Variants in NLGN1 observed in about 807,000 individuals in gnomAD.
NLGN1 encodes the protein neuroligin-1.
In NLGN1, 12 loss-of-function variants were observed where a neutral mutation model predicts 65.5. The ratio of observed to expected loss-of-function variants is 0.18; its 90% confidence interval spans 0.12 to 0.30. NLGN1 has a LOEUF of 0.30. Among genes scored for constraint, NLGN1 ranks in the 10% least tolerant of loss-of-function variants. The probability of loss-of-function intolerance (pLI) is 1.00; values close to 1 mark genes in which losing one functional copy is unlikely to be tolerated. For synonymous variants in NLGN1, 350 were observed against 359.5 expected (o/e 0.97, Z 0.30); for missense variants, 750 against 1,007.1 (o/e 0.74, Z 3.46).
At chr3:174,091,313 G>A (rs767897011) in intron 4 of NLGN1, among the ~76,000 whole-genome samples, 1 of 152,324 alleles carries the variant, frequency 6.6e-6, no homozygotes, top group East Asian at 1.9e-4. Context: ...ATTATAGAAT[G>A]CATTCTACTC....
intron 2 of NLGN1, among the ~76,000 whole-genome samples, chr3:173,562,565 A>G (rs1430733803): frequency 2.0e-5 from 3 of 151,702 alleles, no homozygotes; most frequent in Admixed American, 6.6e-5. Flanking sequence ...GATTGTCTAA[A>G]AAAAAAAAAA....
chr3:174,077,722 A>AT (rs1349332823), intron 4 of NLGN1, among the ~76,000 whole-genome samples: 1 of 151,866 alleles, frequency 6.6e-6, no homozygotes, highest in Admixed American at 6.6e-5. Context: ...CGCCCAGCCA[A>AT]TTTTTGTATT....
chr3:173,618,187 A>G (rs1037034179), intron 3 of NLGN1, among the ~76,000 whole-genome samples: 1 of 149,580 alleles, frequency 6.7e-6, no homozygotes, highest in African/African-American at 2.5e-5. Flanking sequence ...GGTTTTTGTC[A>G]TTGTTCTTCT....
chr3:173,568,214 T>TTTTCC (rs935967285), intron 2 of NLGN1, among the ~76,000 whole-genome samples: 7 of 143,848 alleles, frequency 4.9e-5, no homozygotes, highest in African/African-American at 9.9e-5. Flanking sequence ...TTTCCTTTCC[T>TTTTCC]TTTCCTTTCC....
intron 4 of NLGN1, among the ~76,000 whole-genome samples, chr3:174,252,313 AT>A (rs1190583114): frequency 6.6e-6 from 1 of 152,158 alleles, no homozygotes; most frequent in Non-Finnish European, 1.5e-5. Context: ...TTTTGCCATC[AT>A]GTTTCTATAA....
At chr3:173,603,348 A>G (rs1451090878) in intron 2 of NLGN1, among the ~76,000 whole-genome samples, 1 of 152,106 alleles carries the variant, frequency 6.6e-6, no homozygotes, top group African/African-American at 2.4e-5. Context: ...AACTGTGTAA[A>G]CAGTGATAGA....
At chr3:173,545,999 T>C (rs998071354) in intron 2 of NLGN1, among the ~76,000 whole-genome samples, 1 of 152,038 alleles carries the variant, frequency 6.6e-6, no homozygotes, top group Non-Finnish European at 1.5e-5. Context: ...ATGTAGATGA[T>C]GGGTTGATAG....
intron 3 of NLGN1, among the ~76,000 whole-genome samples, chr3:173,675,663 C>T (rs1228675254): frequency 6.6e-6 from 1 of 151,788 alleles, no homozygotes; most frequent in Non-Finnish European, 1.5e-5. Flanking sequence ...TTTGTGGTTG[C>T]TAGAGGTGTT....
upstream of NLGN1, among the ~76,000 whole-genome samples, chr3:173,397,231 A>C (rs1447405050): frequency 6.6e-6 from 1 of 152,164 alleles, no homozygotes; most frequent in Non-Finnish European, 1.5e-5. Flanking sequence ...TTCTGCATAA[A>C]ACCAATACAT....
At chr3:173,560,321 G>GGAAA (rs989187119) in intron 2 of NLGN1, among the ~76,000 whole-genome samples, 2 of 150,446 alleles carry the variant, frequency 1.3e-5, no homozygotes, top group Admixed American at 1.3e-4. Flanking sequence ...AGTAAAAATA[G>GGAAA]GAAAGAAAGA....
chr3:174,206,350 G>C (rs1488659853), intron 4 of NLGN1, among the ~76,000 whole-genome samples: 1 of 152,162 alleles, frequency 6.6e-6, no homozygotes, highest in Non-Finnish European at 1.5e-5. Flanking sequence ...CCAAGGTCAA[G>C]GAGGCAACAT....
chr3:173,978,998 C>T (rs1018858719), intron 4 of NLGN1, among the ~76,000 whole-genome samples: 1 of 151,154 alleles, frequency 6.6e-6, no homozygotes, highest in African/African-American at 2.4e-5. Flanking sequence ...GAGTAAGATT[C>T]TGTCTCAAAA....
intron 4 of NLGN1, among the ~76,000 whole-genome samples, chr3:173,833,451 A>G (rs995601432): frequency 3.3e-5 from 5 of 152,108 alleles, no homozygotes; most frequent in Non-Finnish European, 7.4e-5. Flanking sequence ...TACTAAAAAA[A>G]ATTAGTTTTT....
intron 3 of NLGN1, among the ~76,000 whole-genome samples, chr3:173,650,607 CT>C (rs1477944158): frequency 1.3e-5 from 2 of 152,056 alleles, no homozygotes; most frequent in African/African-American, 4.8e-5. Flanking sequence ...ATATGGTTTA[CT>C]TTTTTATTCA....
intron 4 of NLGN1, among the ~76,000 whole-genome samples, chr3:173,936,280 A>C (rs1745066135): frequency 6.6e-6 from 1 of 152,008 alleles, no homozygotes; most frequent in South Asian, 2.1e-4. Flanking sequence ...CATCTTAAGC[A>C]TGGCCATGTA....
chr3:173,747,326 A>G (rs1775609231), intron 3 of NLGN1, among the ~76,000 whole-genome samples: 1 of 141,930 alleles, frequency 7.0e-6, no homozygotes, highest in Non-Finnish European at 1.5e-5. Flanking sequence ...ATATACTTAT[A>G]TACATTTTAT....
At chr3:173,690,331 G>A (rs926564972) in intron 3 of NLGN1, among the ~76,000 whole-genome samples, 3 of 152,084 alleles carry the variant, frequency 2.0e-5, no homozygotes, top group Non-Finnish European at 4.4e-5. Context: ...TTCCTAGGAT[G>A]CCATTTACTC....
chr3:174,066,490 C>T (rs1738572905), intron 4 of NLGN1, among the ~76,000 whole-genome samples: 1 of 141,430 alleles, frequency 7.1e-6, no homozygotes, highest in African/African-American at 2.6e-5. Context: ...CATCTAACCA[C>T]AGTTTTTAAA....
intron 4 of NLGN1, among the ~76,000 whole-genome samples, chr3:174,182,790 C>T (rs975303850): frequency 3.3e-5 from 5 of 152,138 alleles, no homozygotes; most frequent in Non-Finnish European, 7.4e-5. Flanking sequence ...TCCTACTCAG[C>T]TTATAAGATG....
Sources: gnomAD v4.1 joint callset for allele counts (sites outside exome capture counted in the v4.1 genomes callset) on GRCh38, gnomAD v4.1.1 for gene constraint, MANE v1.5 for transcripts, NCBI Gene and HGNC (gene_info 2026-07-23, HGNC 2026-07-21) for gene names.